The following RALGAPA2 variants were observed in gnomAD, a reference collection of about 807,000 sequenced individuals.
RALGAPA2 encodes the protein Ral GTPase activating protein catalytic subunit alpha 2.
RALGAPA2 carries 139 observed loss-of-function variants against 230.4 expected under a neutral mutation model. The ratio of observed to expected loss-of-function variants is 0.60; its 90% CI spans 0.53 to 0.69. RALGAPA2 has a LOEUF of 0.69. RALGAPA2 is among the 30% of genes least tolerant of loss of function. The probability of loss-of-function intolerance (pLI) is 0.00; values close to 1 mark genes in which losing one functional copy is unlikely to be tolerated. For missense variants in RALGAPA2, 2,163 were observed against 2,276.0 expected, an observed-to-expected ratio of 0.95 and a Z score of 1.01; for synonymous variants, 847 against 837.8, an observed-to-expected ratio of 1.01 and a Z score of -0.19.
intron 27 of RALGAPA2, among the ~76,000 whole-genome samples, chr20:20,530,218 G>T (rs1031225190): frequency 2.0e-5 from 3 of 152,174 alleles, no homozygotes; most frequent in African/African-American, 7.2e-5. Flanking sequence ...GTGAAGTGGA[G>T]GTGGCACTGA....
intron 23 of RALGAPA2, among the ~76,000 whole-genome samples, chr20:20,555,515 C>T (rs888526218): frequency 6.6e-6 from 1 of 152,134 alleles, no homozygotes; most frequent in Admixed American, 6.5e-5. Context: ...TTGGGGAGTA[C>T]TGCTATCTTA....
At chr20:20,402,340 A>G (rs2059861092) in intron 38 of RALGAPA2, among the ~76,000 whole-genome samples, 1 of 152,190 alleles carries the variant, frequency 6.6e-6, no homozygotes, top group African/African-American at 2.4e-5. Context: ...AAAGCTAGGG[A>G]GCCTTGCCTC....
At chr20:20,418,104 G>C (rs141487182) in intron 37 of RALGAPA2, among the ~76,000 whole-genome samples, 1 of 152,196 alleles carries the variant, frequency 6.6e-6, no homozygotes, top group South Asian at 2.1e-4. Flanking sequence ...TAGGCACAAC[G>C]TGGGAGGAAG....
chr20:20,481,454 G>A (rs1158600000), intron 36 of RALGAPA2, among the ~76,000 whole-genome samples: 1 of 152,116 alleles, frequency 6.6e-6, no homozygotes, highest in Non-Finnish European at 1.5e-5. Flanking sequence ...AATGACAAAT[G>A]AAGAATGTGC....
intron 27 of RALGAPA2, among the ~76,000 whole-genome samples, 158 bp downstream of exon 27, chr20:20,531,529 C>A (rs2063366668): frequency 6.6e-6 from 1 of 152,250 alleles, no homozygotes; most frequent in South Asian, 2.1e-4. Flanking sequence ...AGGGGAGCAT[C>A]CGTTGGTGCC....
Position 20,391,006 on chromosome 20 carries a change from G to A in RALGAPA2, c.*2283C>T, listed in dbSNP as rs543053749. The A allele has an allele frequency of 6.6e-6, 1 of 152,380 alleles. No individual in the cohort carries two copies. The highest frequency in any genetic ancestry group is 1.9e-4 in the East Asian group (1 of 5,194). The allele number at this position is 152,380 out of a possible 1,614,324, so 9.4% of individuals were successfully genotyped here. On this transcript the variant is annotated 3_prime_UTR_variant, in exon 40 of 40. Transcript: ENST00000202677. Reference sequence around the variant, plus strand: ...CGTGAAAGCAAAATGAAATCATGGAGCAGAAGTCCAGGAGAGTTCAATACG... The same window carrying A: ...CGTGAAAGCAAAATGAAATCATGGAACAGAAGTCCAGGAGAGTTCAATACG...
At chr20:20,449,423 CT>C (rs1177746386) in intron 37 of RALGAPA2, among the ~76,000 whole-genome samples, 1 of 152,168 alleles carries the variant, frequency 6.6e-6, no homozygotes, top group East Asian at 1.9e-4. Flanking sequence ...GAGCAGAAAC[CT>C]TTTTGTCACA....
In RALGAPA2 at chr20:20,712,455, T is replaced by A; in HGVS notation, c.26A>T (p.Asp9Val). 1 of 1,551,234 alleles carries A rather than the reference T, an allele frequency of 6.4e-7. No homozygotes were observed. Among genetic ancestry groups the A allele is most frequent in the East Asian group, 2.5e-5 (1 of 40,656 alleles). The change falls in exon 1 of 40, where the codon GAT becomes GTT. Residue 9 changes from aspartate to valine, a missense_variant. Asp to Val is a radical substitution (Grantham distance 152). Transcript: ENST00000202677. The surrounding 1 kb of genome is among the most constrained non-coding windows in gnomAD (Gnocchi z 5.5). The stretch of plus-strand genomic sequence containing the variant: ...CACCTTCTGGGTGGACTTCTTCACA[T>A]CCCCGTGGCTCCTTCGGGAGAACAT... MFSRRSHG[D>V]VKKSTQKVLD...
intron 1 of RALGAPA2, among the ~76,000 whole-genome samples, chr20:20,704,128 C>G (rs1415034761): frequency 6.6e-6 from 1 of 152,076 alleles, no homozygotes; most frequent in African/African-American, 2.4e-5. Context: ...ACAGAGGGTA[C>G]AGAAGCCATG....
chr20:20,619,911 G>C (rs900021822), intron 11 of RALGAPA2, among the ~76,000 whole-genome samples: 2 of 152,198 alleles, frequency 1.3e-5, no homozygotes, highest in African/African-American at 2.4e-5. Context: ...ATTCCACTCT[G>C]TCATTTTGGA....
At chr20:20,644,087 G>C (rs1240568600) in intron 4 of RALGAPA2, among the ~76,000 whole-genome samples, 1 of 152,122 alleles carries the variant, frequency 6.6e-6, no homozygotes, top group African/African-American at 2.4e-5. Flanking sequence ...CAGCCCACTA[G>C]AATGAGAAAA....
At chr20:20,638,256 G>A (rs929448737) in intron 7 of RALGAPA2, among the ~76,000 whole-genome samples, 35 of 152,198 alleles carry the variant, frequency 2.3e-4, no homozygotes, top group South Asian at 2.1e-4. Context: ...AGACCTGTTG[G>A]TGGTTCTTAA....
intron 33 of RALGAPA2, among the ~76,000 whole-genome samples, chr20:20,505,971 G>A (rs563670654): frequency 1.3e-5 from 2 of 152,294 alleles, no homozygotes; most frequent in Admixed American, 1.3e-4. Context: ...AGATCTATGT[G>A]ACTGTCCATA....
Position 20,643,550 on chromosome 20 carries a change from C to A in RALGAPA2, c.329-1G>T. On this transcript the variant is annotated splice_acceptor_variant, in intron 4 of 39. Transcript: ENST00000202677. LOFTEE classifies it high-confidence loss of function. ...TGTAGAAGCTTCTTTAAAGTTGAGC[C>A]TGAAAGTTTAAAATAATGAATTATA... 6.8e-7 allele frequency: 1 copy of A among 1,466,276 alleles called. No homozygotes were observed. Among genetic ancestry groups the A allele is most frequent in the South Asian group, 1.3e-5 (1 of 78,958 alleles). The allele number at this position is 1,466,276 out of a possible 1,614,324, so 90.8% of individuals were successfully genotyped here.
intron 1 of RALGAPA2, among the ~76,000 whole-genome samples, chr20:20,710,548 T>C (rs975246415): frequency 6.6e-6 from 1 of 152,052 alleles, no homozygotes; most frequent in Non-Finnish European, 1.5e-5. Flanking sequence ...AGTAAGTATA[T>C]CAACAAAAAA....
intron 3 of RALGAPA2, among the ~76,000 whole-genome samples, chr20:20,658,703 A>G (rs2067671664): frequency 6.6e-6 from 1 of 152,242 alleles, no homozygotes; most frequent in African/African-American, 2.4e-5. Flanking sequence ...CTGATTATCC[A>G]TAGTTCTTTT....
chr20:20,712,470 C>T lies in RALGAPA2; in HGVS notation c.11G>A (p.Arg4Gln). 2.6e-6 allele frequency: 4 copies of T among 1,548,888 alleles called. No individual in the cohort carries two copies. In the South Asian group the frequency reaches 4.8e-5, roughly 18 times the overall value. The change falls in exon 1 of 40, where the codon CGA (arginine) becomes CAA (glutamine). Residue 4 changes from arginine (R) to glutamine (Q), a missense_variant. By Grantham distance (43) the Arg-to-Gln change is conservative. Transcript: ENST00000202677. The surrounding 1 kb of genome is among the most constrained non-coding windows in gnomAD (Gnocchi z 5.5). ...CTTCTTCACATCCCCGTGGCTCCTT[C>T]GGGAGAACATCCCGCGGCAGGAAGC... MFS[R>Q]RSHGDVKKST...
At chr20:20,490,848 A>G (rs1453661846) in intron 36 of RALGAPA2, among the ~76,000 whole-genome samples, 1 of 120,138 alleles carries the variant, frequency 8.3e-6, no homozygotes, top group East Asian at 2.4e-4. Context: ...AGAGGGATGC[A>G]TGAACACACA....
rs948360729 is a variant in RALGAPA2, at chr20:20,389,609, G to A, written c.*3680C>T. The A allele has an allele frequency of 6.6e-6, 1 of 152,098 alleles. No homozygotes were observed. Among genetic ancestry groups the A allele is most frequent in the African/African-American group, 2.4e-5 (1 of 41,390 alleles). The allele number at this position is 152,098 out of a possible 1,614,324, so 9.4% of individuals were successfully genotyped here. ...CTTATAAACTATAATGAGAATGAGA[G>A]AAACATATAGCACTGAAGTGCTGTG... On this transcript the variant is annotated 3_prime_UTR_variant, in exon 40 of 40. Transcript: ENST00000202677.
Sources: gnomAD v4.1 joint callset for allele counts (sites outside exome capture counted in the v4.1 genomes callset) on GRCh38, gnomAD v4.1.1 for gene constraint, Gnocchi (gnomAD v3.1) non-coding constraint, MANE v1.5 for transcripts, NCBI Gene and HGNC (gene_info 2026-07-23, HGNC 2026-07-21) for gene names.